The following ZSCAN2 variants were observed in gnomAD, a reference collection of about 807,000 sequenced individuals.
ZSCAN2 encodes zinc finger and SCAN domain-containing protein 2.
Under a neutral mutation model 47.8 loss-of-function variants are expected in ZSCAN2, and 26 were observed. That is an observed-to-expected ratio of 0.54 (90% CI 0.40 to 0.75). The LOEUF is 0.75. ZSCAN2 is among the 30% of genes least tolerant of loss of function. The pLI is 0.00. For missense variants in ZSCAN2, 732 were observed against 785.4 expected (o/e 0.93, Z 0.81); for synonymous variants, 305 against 288.7 (o/e 1.06, Z -0.57).
rs146224159 is a variant in ZSCAN2 at position 84,621,232 on chromosome 15, G to A, written c.1037G>A (p.Arg346Gln). ...CPECGKSFGN[R>Q]SSLNTHQGIH... is the part of the protein sequence containing the mutation. ...GAGTGTGGAAAGAGCTTTGGCAACC[G>A]ATCCAGCCTTAACACGCATCAGGGG... The change falls in exon 3 of 3, where the codon CGA (arginine) becomes CAA (glutamine). Residue 346 changes from arginine (R) to glutamine (Q), a missense_variant. By Grantham distance (43) the Arg-to-Gln change is conservative (BLOSUM62 1). Around this residue, in one of 2 missense-constraint regions of ZSCAN2, gnomAD observed 412 missense variants for 498.0 expected, o/e 0.83. Transcript: ENST00000546148. The surrounding 1 kb of genome is among the most constrained non-coding windows in gnomAD (Gnocchi z 5.7). 1.8e-4 allele frequency: 297 copies of A among 1,613,666 alleles called. No individual in the cohort carries two copies. Among genetic ancestry groups the A allele is most frequent in the Non-Finnish European group, 2.2e-4 (264 of 1,179,970 alleles).
Position 84,616,399 on chromosome 15 carries a change from T to C in ZSCAN2, c.407-4203T>C. 3 of 1,603,554 alleles carry C rather than the reference T, an allele frequency of 1.9e-6. No individual in the cohort carries two copies. In the East Asian group the frequency reaches 6.7e-5, roughly 36 times the overall value. On this transcript the variant is annotated intron_variant, in intron 2 of 2. Coordinates refer to ENST00000546148, the MANE Select transcript of ZSCAN2 (RefSeq NM_181877.4). ...TCTGAACCAAAGAAGCCAGCCCTGCTTACCCCAGTTCCCAAACACAGGAAG... is the reference window on the plus strand; with the variant it reads ...TCTGAACCAAAGAAGCCAGCCCTGCCTACCCCAGTTCCCAAACACAGGAAG...
chr15:84,621,131 C>T lies in ZSCAN2; in HGVS notation c.936C>T (p.Gly312=). 1 of 1,613,550 alleles carries T rather than the reference C, an allele frequency of 6.2e-7. No homozygotes were observed. Among genetic ancestry groups the T allele is most frequent in the East Asian group, 2.2e-5 (1 of 44,834 alleles). ...GEKPFQCAEC[G]KSFSRSPNLI... Reference sequence around the variant, plus strand: ...AGCCCTTCCAGTGTGCCGAGTGTGGCAAGAGCTTCAGCAGGAGTCCCAACC... The same window carrying T: ...AGCCCTTCCAGTGTGCCGAGTGTGGTAAGAGCTTCAGCAGGAGTCCCAACC... The change falls in exon 3 of 3, where the codon GGC becomes GGT. Residue 312 remains glycine, a synonymous_variant. Coordinates refer to ENST00000546148, the MANE Select transcript of ZSCAN2 (RefSeq NM_181877.4). The surrounding 1 kb of genome is among the most constrained non-coding windows in gnomAD (Gnocchi z 5.7).
chr15:84,614,005 T>C (rs1895626544), intron 2 of ZSCAN2, among the ~76,000 whole-genome samples: 1 of 134,522 alleles, frequency 7.4e-6, no homozygotes, highest in Non-Finnish European at 1.6e-5. Flanking sequence ...TTTTTTTTTT[T>C]TCAGAGACAG....
chr15:84,620,752 G>A lies in ZSCAN2; in HGVS notation c.557G>A (p.Arg186Lys), dbSNP rs1474523019. Reference protein sequence around the residue: ...SDFERDAGIQRLQGHSPGEDH... With the variant: ...SDFERDAGIQKLQGHSPGEDH... ...TTTGAGAGAGATGCTGGCATCCAGA[G>A]GCTCCAGGGACACAGCCCAGGTGAG... The change falls in exon 3 of 3, where the codon AGG (arginine) becomes AAG (lysine). Residue 186 changes from arginine to lysine, a missense_variant. Physicochemically the swap from Arg to Lys is conservative, Grantham distance 26. Around this residue, in one of 2 missense-constraint regions of ZSCAN2, gnomAD observed 320 missense variants for 287.4 expected, o/e 1.11. Transcript: ENST00000546148. The A allele has an allele frequency of 3.1e-6, 5 of 1,614,106 alleles. No individual in the cohort carries two copies. Among genetic ancestry groups the A allele is most frequent in the Non-Finnish European group, 3.4e-6 (4 of 1,180,060 alleles).
chr15:84,611,444 T>C (rs1005703634), intron 2 of ZSCAN2, among the ~76,000 whole-genome samples: 1 of 149,596 alleles, frequency 6.7e-6, no homozygotes, highest in Non-Finnish European at 1.5e-5. Context: ...GACAGTGATA[T>C]ACTGTCTCAA....
chr15:84,602,435 CAT>C (rs1263501874), intron 1 of ZSCAN2, among the ~76,000 whole-genome samples: 14 of 152,022 alleles, frequency 9.2e-5, no homozygotes, highest in Admixed American at 1.3e-4. Flanking sequence ...TCTTAAATTT[CAT>C]ATGTTTGCTC....
intron 2 of ZSCAN2, among the ~76,000 whole-genome samples, chr15:84,617,128 A>C (rs1895711298): frequency 1.2e-5 from 1 of 86,066 alleles, no homozygotes; most frequent in Non-Finnish European, 2.2e-5. Context: ...GTCTCAAAAA[A>C]GAAAAAAAAA....
At chr15:84,604,434 G>A (rs1038223806) in intron 2 of ZSCAN2, 101 bp downstream of exon 2, 6 of 1,420,610 alleles carry the variant, frequency 4.2e-6, no homozygotes, top group Non-Finnish European at 5.7e-6. Context: ...AGGCAGAGTG[G>A]GGGGCTAGCG....
Position 84,621,009 on chromosome 15 carries a change from C to A in ZSCAN2, c.814C>A (p.His272Asn). The change falls in exon 3 of 3, where the codon CAC (histidine) becomes AAC (asparagine). Residue 272 changes from histidine to asparagine, a missense_variant. Around this residue, in one of 2 missense-constraint regions of ZSCAN2, gnomAD observed 412 missense variants for 498.0 expected, o/e 0.83. Coordinates refer to ENST00000546148, the MANE Select transcript of ZSCAN2 (RefSeq NM_181877.4). The surrounding 1 kb of genome is among the most constrained non-coding windows in gnomAD (Gnocchi z 5.7). The stretch of plus-strand genomic sequence containing the variant: ...AAATTTTAGTAGACACCAAACCACT[C>A]ACACCGGGGAGAAGCCCTACAAATG... The part of the protein sequence containing the change: ...GSNFSRHQTT[H>N]TGEKPYKCRD... 6.2e-7 allele frequency: 1 copy of A among 1,614,018 alleles called. No homozygotes were observed. Among genetic ancestry groups the A allele is most frequent in the Non-Finnish European group, 8.5e-7 (1 of 1,180,010 alleles).
rs564586352 is a variant in ZSCAN2 at position 84,604,059 on chromosome 15, T to C, written c.132T>C (p.Ala44=). ...AGGATGACTCCTGGGTGCAAGAAGC[T>C]GTGCTGCAGGAGGATGGCCCTGAGT... ...ILEDDSWVQE[A]VLQEDGPESE... Residue 44 remains alanine, a synonymous_variant, in exon 2 of 3, where the codon GCT becomes GCC. Coordinates refer to ENST00000546148, the MANE Select transcript of ZSCAN2 (RefSeq NM_181877.4). 1.5e-5 allele frequency: 25 copies of C among 1,614,114 alleles called. No individual in the cohort carries two copies. The highest frequency in any genetic ancestry group is 1.6e-4 in the Middle Eastern group (1 of 6,062).
Position 84,604,090 on chromosome 15 carries a change from C to G in ZSCAN2, c.163C>G (p.Pro55Ala). The G allele has an allele frequency of 6.2e-7, 1 of 1,614,122 alleles. No homozygotes were observed. Among genetic ancestry groups the G allele is most frequent in the Non-Finnish European group, 8.5e-7 (1 of 1,180,012 alleles). ...VLQEDGPESE[P>A]FPQSAGKGGP... ...GCAGGAGGATGGCCCTGAGTCTGAG[C>G]CCTTTCCCCAGAGTGCTGGCAAGGG... is the stretch of plus-strand genomic sequence containing the variant. Residue 55 changes from proline (P) to alanine (A), a missense_variant, in exon 2 of 3, where the codon CCC becomes GCC. Pro to Ala is a conservative substitution (Grantham distance 27). Around this residue, in one of 2 missense-constraint regions of ZSCAN2, gnomAD observed 320 missense variants for 287.4 expected, o/e 1.11. Coordinates refer to ENST00000546148, the MANE Select transcript of ZSCAN2 (RefSeq NM_181877.4).
Position 84,613,389 on chromosome 15 carries a change from C to T in ZSCAN2, c.407-7213C>T, listed in dbSNP as rs771893688. ...AGGCTGGAATGCAGTGGCACAATCT[C>T]GGTACACTGCAACCTCTGCCTCCTG... On this transcript the variant is annotated intron_variant, in intron 2 of 2. Transcript: ENST00000546148. Among the ~76,000 whole-genome samples, 10 of 152,188 alleles carry T rather than the reference C, an allele frequency of 6.6e-5. 1 individual carries two copies. Among genetic ancestry groups the T allele is most frequent in the Admixed American group, 6.5e-5 (1 of 15,294 alleles).
Position 84,623,060 on chromosome 15 carries a change from C to T in ZSCAN2, c.*1020C>T, listed in dbSNP as rs1223338601. 2.6e-5 allele frequency: 5 copies of T among 194,572 alleles called. No homozygotes were observed. Among genetic ancestry groups the T allele is most frequent in the South Asian group, 3.2e-4 (2 of 6,272 alleles). The allele number at this position is 194,572 out of a possible 1,614,324, so 12.1% of individuals were successfully genotyped here. On this transcript the variant is annotated 3_prime_UTR_variant, in exon 3 of 3. Transcript: ENST00000546148. The stretch of plus-strand genomic sequence containing the variant: ...GATATATGCCGAGCTAGAATCCTGT[C>T]GGGTAGCTTTTGTATACTAAGAACA...
In ZSCAN2 at chr15:84,619,159, C is replaced by A. The variant is rs193183264; in HGVS notation, c.407-1443C>A. Reference sequence around the variant, plus strand: ...TTAAAGATCTATTCATGGCTGGGCGCGGTGGCTCACGCCTGTAATCCCAGC... The same window carrying A: ...TTAAAGATCTATTCATGGCTGGGCGAGGTGGCTCACGCCTGTAATCCCAGC... On this transcript the variant is annotated intron_variant, in intron 2 of 2. Coordinates refer to ENST00000546148, the MANE Select transcript of ZSCAN2 (RefSeq NM_181877.4). 1.6e-3 allele frequency among the ~76,000 whole-genome samples: 249 copies of A among 152,190 alleles called. 7 individuals carry two copies. In the East Asian group the frequency reaches 0.046, roughly 28 times the overall value.
At chr15:84,606,950 C>A in intron 2 of ZSCAN2, 3 of 828,260 alleles carry the variant, frequency 3.6e-6, no homozygotes, top group Non-Finnish European at 4.4e-6. Flanking sequence ...CATAAGGCCG[C>A]GTGACCTCTA....
chr15:84,621,991 CTAACTT>C lies in ZSCAN2; in HGVS notation c.1799_1804del (p.Asn600_Phe601del), dbSNP rs780881238. The C allele has an allele frequency of 1.5e-5, 25 of 1,613,566 alleles. No homozygotes were observed. The highest frequency in any genetic ancestry group is 1.9e-5 in the Non-Finnish European group (23 of 1,179,728). ...TGTGGCAAAGGCTTCAGCAACAGCT[CTAACTT>C]TATCACACATCAGAGAACTCACATG... On this transcript the variant is annotated inframe_deletion, in exon 3 of 3. Coordinates refer to ENST00000546148, the MANE Select transcript of ZSCAN2 (RefSeq NM_181877.4). The surrounding 1 kb of genome is among the most constrained non-coding windows in gnomAD (Gnocchi z 5.7).
rs570720420 is a variant in ZSCAN2, at chr15:84,602,733, C to T, written c.-108-1087C>T. Among the ~76,000 whole-genome samples, 8 of 152,028 alleles carry T rather than the reference C, an allele frequency of 5.3e-5. 1 individual carries two copies. The highest frequency in any genetic ancestry group is 1.3e-4 in the Admixed American group (2 of 15,262). On this transcript the variant is annotated intron_variant, in intron 1 of 2. Coordinates refer to ENST00000546148, the MANE Select transcript of ZSCAN2 (RefSeq NM_181877.4). ...CCTCCTGAGTAGCTGGGATTACAGG[C>T]GCCCGTCACCATGCCTGGCTAATTT...
At chr15:84,607,798 C>T (rs1567007849) in intron 2 of ZSCAN2, among the ~76,000 whole-genome samples, 1 of 152,138 alleles carries the variant, frequency 6.6e-6, no homozygotes, top group Non-Finnish European at 1.5e-5. Flanking sequence ...CGTGAGCCAC[C>T]ACGCCTGGCC....
intron 2 of ZSCAN2, among the ~76,000 whole-genome samples, chr15:84,620,379 T>C (rs1895787877): frequency 6.6e-6 from 1 of 152,236 alleles, no homozygotes; most frequent in African/African-American, 2.4e-5. Context: ...GTCTTTGCTA[T>C]TGTGAATAGT....
Sources: allele counts gnomAD v4.1 joint callset (sites outside exome capture counted in the v4.1 genomes callset), GRCh38; gene constraint gnomAD v4.1.1; regional missense constraint gnomAD v4.1.1; non-coding constraint Gnocchi (gnomAD v3.1); transcripts MANE v1.5; gene names NCBI Gene and HGNC (gene_info 2026-07-23, HGNC 2026-07-21).